PRKCB: variants seen among roughly 807,000 people sequenced by gnomAD.
The protein encoded by PRKCB is protein kinase C beta.
In PRKCB, 13 loss-of-function variants were observed where a neutral mutation model predicts 81.5. That is an observed-to-expected ratio of 0.16 (90% CI 0.10 to 0.25). PRKCB has a LOEUF of 0.25. Ranked by LOEUF, PRKCB falls within the 10% of genes least tolerant of loss-of-function variation. The pLI, the probability that PRKCB is intolerant of heterozygous loss-of-function variation, is 1.00. For synonymous variants in PRKCB, 335 were observed against 321.4 expected (o/e 1.04, Z -0.45); for missense variants, 509 against 875.7 (o/e 0.58, Z 5.29).
At chr16:23,919,067 T>C (rs969257340) in intron 2 of PRKCB, among the ~76,000 whole-genome samples, 3 of 152,262 alleles carry the variant, frequency 2.0e-5, no homozygotes, top group African/African-American at 7.2e-5. Flanking sequence ...CTAAGGTGAC[T>C]ATTTCAAAGA....
intron 16 of PRKCB, among the ~76,000 whole-genome samples, chr16:24,209,163 T>G (rs1567413594): frequency 6.6e-6 from 1 of 152,266 alleles, no homozygotes; most frequent in East Asian, 1.9e-4. Context: ...GCTCTGTGTC[T>G]CAGCAAATGT....
intron 16 of PRKCB, among the ~76,000 whole-genome samples, chr16:24,194,698 A>T (rs1038080889): frequency 6.7e-6 from 1 of 150,356 alleles, no homozygotes; most frequent in Non-Finnish European, 1.5e-5. Context: ...AAAGATTACA[A>T]TACTTAGTCA....
chr16:23,950,956 A>G (rs1964272403), intron 2 of PRKCB, among the ~76,000 whole-genome samples: 2 of 152,198 alleles, frequency 1.3e-5, no homozygotes, highest in Non-Finnish European at 2.9e-5. Flanking sequence ...TTCCCTGAGT[A>G]GCAAGCCCTC....
intron 3 of PRKCB, among the ~76,000 whole-genome samples, chr16:24,018,055 C>G (rs11864733): frequency 0.2 from 30,006 of 151,636 alleles, 3,044 homozygotes; most frequent in East Asian, 0.31. Flanking sequence ...CCCGCCACCA[C>G]GCCCAGCTAA....
chr16:23,847,358 A>G (rs796586827), intron 2 of PRKCB, among the ~76,000 whole-genome samples: 2 of 75,892 alleles, frequency 2.6e-5, no homozygotes, highest in South Asian at 4.5e-4. Flanking sequence ...CTATCTATCT[A>G]TCTATCTATC....
chr16:24,192,364 C>G (rs1359813618), intron 16 of PRKCB, among the ~76,000 whole-genome samples: 1 of 152,170 alleles, frequency 6.6e-6, no homozygotes, highest in Non-Finnish European at 1.5e-5. Context: ...GCTGCTATTC[C>G]TTAAGATAAC....
chr16:23,844,084 TA>T (rs1261591872), intron 2 of PRKCB, among the ~76,000 whole-genome samples: 1 of 152,278 alleles, frequency 6.6e-6, no homozygotes, highest in Non-Finnish European at 1.5e-5. Context: ...AAGTATAATT[TA>T]AAATATATGG....
intron 2 of PRKCB, among the ~76,000 whole-genome samples, chr16:23,895,109 C>A (rs1336299577): frequency 1.3e-5 from 2 of 152,040 alleles, no homozygotes; most frequent in Non-Finnish European, 2.9e-5. Context: ...ATTTCATGAT[C>A]ATTTTTGGTA....
chr16:23,846,274 C>CT (rs11343290), intron 2 of PRKCB, among the ~76,000 whole-genome samples: 1 of 151,712 alleles, frequency 6.6e-6, no homozygotes, highest in African/African-American at 2.4e-5. Context: ...GTTGAATATT[C>CT]TTTTTTTTTA....
chr16:24,129,439 C>T (rs1472314459), intron 9 of PRKCB, among the ~76,000 whole-genome samples: 1 of 151,798 alleles, frequency 6.6e-6, no homozygotes, highest in African/African-American at 2.4e-5. Flanking sequence ...AGAAATAGCC[C>T]AAATGGTATA....
At chr16:23,951,696 G>T (rs1300942379) in intron 2 of PRKCB, among the ~76,000 whole-genome samples, 1 of 150,784 alleles carries the variant, frequency 6.6e-6, no homozygotes, top group Non-Finnish European at 1.5e-5. Context: ...GAGATTACAG[G>T]CATGAGCCAC....
At chr16:24,124,724 C>G (rs576025581) in intron 9 of PRKCB, among the ~76,000 whole-genome samples, 2 of 152,264 alleles carry the variant, frequency 1.3e-5, no homozygotes, top group Admixed American at 6.5e-5. Context: ...ACAAAGATGT[C>G]TAGCATAAAT....
At chr16:23,991,517 T>C (rs916677) in intron 3 of PRKCB, among the ~76,000 whole-genome samples, 88,915 of 151,980 alleles carry the variant, frequency 0.59, 26,307 homozygotes, top group South Asian at 0.79. Flanking sequence ...GAAGATGGTG[T>C]TTCCCATATT....
chr16:23,982,779 T>C (rs1222421880), intron 2 of PRKCB, among the ~76,000 whole-genome samples: 1 of 152,166 alleles, frequency 6.6e-6, no homozygotes, highest in Non-Finnish European at 1.5e-5. Flanking sequence ...GGGAGGTGGA[T>C]AGAGCCGGAG....
chr16:24,152,231 G>A (rs1222088095), intron 9 of PRKCB, among the ~76,000 whole-genome samples: 1 of 152,160 alleles, frequency 6.6e-6, no homozygotes, highest in East Asian at 1.9e-4. Context: ...GCAGTCAAGA[G>A]AGAATGAGAG....
intron 2 of PRKCB, among the ~76,000 whole-genome samples, chr16:23,845,834 G>A (rs1032633736): frequency 2.6e-5 from 4 of 152,168 alleles, no homozygotes; most frequent in Middle Eastern, 3.4e-3. Flanking sequence ...TTTTGTTTAG[G>A]GTTTACAGTT....
At position 23,882,385 on chromosome 16, in the gene PRKCB, A is replaced by AT. The variant is rs577218879; in HGVS notation, c.205+44987dup. Among the ~76,000 whole-genome samples, 167 of 149,756 alleles carry AT rather than the reference A, an allele frequency of 1.1e-3. 3 individuals are homozygous for AT. Among genetic ancestry groups the AT allele is most frequent in the Non-Finnish European group, 1.8e-4 (12 of 67,516 alleles). ...AGGTGCACACTACCATGCCCAGTTA[A>AT]TTTTTTTTCTTGATTTTTAATAGAG... On this transcript the variant is annotated intron_variant, in intron 2 of 16. Coordinates refer to ENST00000643927, the MANE Select transcript of PRKCB (RefSeq NM_002738.7).
intron 2 of PRKCB, among the ~76,000 whole-genome samples, chr16:23,922,628 C>T (rs1252877797): frequency 6.6e-6 from 1 of 152,224 alleles, no homozygotes; most frequent in East Asian, 1.9e-4. Flanking sequence ...GTGTTGGTCA[C>T]TACAGAATGA....
Position 24,215,859 on chromosome 16 carries a change from A to G in PRKCB, c.*1043A>G. ...GCTAATTAAGTGCTCTGAAAAAGACACCGTTTCTTGAAACAAAGATGGTTG... is the reference window on the plus strand; with the variant it reads ...GCTAATTAAGTGCTCTGAAAAAGACGCCGTTTCTTGAAACAAAGATGGTTG... On this transcript the variant is annotated 3_prime_UTR_variant, in exon 17 of 17. Coordinates refer to ENST00000643927, the MANE Select transcript of PRKCB (RefSeq NM_002738.7). The G allele has an allele frequency of 1.0e-6, 1 of 985,436 alleles. No homozygotes were observed. Among genetic ancestry groups the G allele is most frequent in the Non-Finnish European group, 1.2e-6 (1 of 829,882 alleles). 61.0% of individuals were successfully genotyped at this position (985,436 alleles called of 1,614,324 possible). A position where few individuals can be genotyped will look rare whatever the true frequency, so the allele number is the denominator to read the frequency against.
Sources: gnomAD v4.1 joint callset for allele counts (sites outside exome capture counted in the v4.1 genomes callset) on GRCh38, gnomAD v4.1.1 for gene constraint, MANE v1.5 for transcripts, NCBI Gene and HGNC (gene_info 2026-07-23, HGNC 2026-07-21) for gene names.